The following TBCK variants were observed in gnomAD, a reference collection of about 807,000 sequenced individuals.
TBCK encodes the protein TBC domain-containing protein kinase-like protein.
A neutral mutation model predicts 113.4 loss-of-function variants in TBCK; 99 were observed. That is an observed-to-expected ratio of 0.87 (90% CI 0.74 to 1.03). TBCK has a LOEUF of 1.03. Among genes scored for constraint, TBCK ranks in the 50% least tolerant of loss-of-function variants. The pLI, the probability that TBCK is intolerant of heterozygous loss-of-function variation, is 0.00. For synonymous variants in TBCK, 369 were observed against 370.8 expected (o/e 1.00, Z 0.05); for missense variants, 1,045 against 1,061.3 (o/e 0.98, Z 0.21).
chr4:106,137,406 A>G (rs1160149890), intron 23 of TBCK, among the ~76,000 whole-genome samples: 1 of 140,120 alleles, frequency 7.1e-6, no homozygotes, highest in African/African-American at 2.5e-5. Flanking sequence ...CTCTAATTTC[A>G]TAGTGGTAGG....
At position 106,192,917 on chromosome 4, in the gene TBCK, T is replaced by C. The variant is rs72677349; in HGVS notation, c.2059+692A>G. On this transcript the variant is annotated intron_variant, in intron 22 of 25. Transcript: ENST00000394708. Reference sequence around the variant, plus strand: ...ATGCTGTCAATAAAGTACTGTGAAGTTTTTTCACCTAAAAAAACTGAAGTT... The same window carrying C: ...ATGCTGTCAATAAAGTACTGTGAAGCTTTTTCACCTAAAAAAACTGAAGTT... Among the ~76,000 whole-genome samples the C allele has an allele frequency of 6.6e-3, 1,003 of 152,132 alleles. 10 individuals are homozygous for C. The highest frequency in any genetic ancestry group is 0.011 in the Non-Finnish European group (725 of 67,972).
At chr4:106,168,283 A>T (rs1750619203) in intron 23 of TBCK, among the ~76,000 whole-genome samples, 2 of 151,930 alleles carry the variant, frequency 1.3e-5, no homozygotes, top group Admixed American at 1.3e-4. Context: ...ACATTCTACA[A>T]AATCCAACAT....
At chr4:106,259,897 C>T (rs939707923) in intron 5 of TBCK, among the ~76,000 whole-genome samples, 3 of 151,890 alleles carry the variant, frequency 2.0e-5, no homozygotes, top group African/African-American at 7.2e-5. Flanking sequence ...GGGCAACATA[C>T]ATCTGCAATT....
At chr4:106,308,715 C>G in intron 2 of TBCK, 53 bp downstream of exon 2, 1 of 1,500,386 alleles carries the variant, frequency 6.7e-7, no homozygotes, top group East Asian at 2.3e-5. Flanking sequence ...GTATTTATAA[C>G]TTAGGGTAAC....
chr4:106,063,747 T>C (rs1334208176), intron 25 of TBCK, among the ~76,000 whole-genome samples: 1 of 151,724 alleles, frequency 6.6e-6, no homozygotes, highest in Non-Finnish European at 1.5e-5. Flanking sequence ...CCTTCATGAA[T>C]AGAATTAGTA....
At chr4:106,057,287 A>G (rs1379401823) in intron 25 of TBCK, among the ~76,000 whole-genome samples, 1 of 151,792 alleles carries the variant, frequency 6.6e-6, no homozygotes, top group Non-Finnish European at 1.5e-5. Flanking sequence ...GTATTAGGGA[A>G]AATCTCTGTT....
At chr4:106,307,500 C>G (rs1346411962) in intron 2 of TBCK, among the ~76,000 whole-genome samples, 1 of 151,638 alleles carries the variant, frequency 6.6e-6, no homozygotes, top group Non-Finnish European at 1.5e-5. Flanking sequence ...GAGAAATAAA[C>G]CAGGGAACTT....
chr4:106,280,178 T>C (rs1478275158), intron 3 of TBCK, among the ~76,000 whole-genome samples: 2 of 152,182 alleles, frequency 1.3e-5, no homozygotes, highest in South Asian at 2.1e-4. Context: ...ATTTCTCTGA[T>C]GATAAATGAT....
intron 23 of TBCK, among the ~76,000 whole-genome samples, chr4:106,122,301 T>C (rs1744512179): frequency 6.6e-6 from 1 of 152,080 alleles, no homozygotes; most frequent in East Asian, 1.9e-4. Flanking sequence ...CCTCGACACA[T>C]ACACTCTCCC....
chr4:106,247,841 C>A (rs982904285), intron 9 of TBCK: 28 of 156,678 alleles, frequency 1.8e-4, no homozygotes, highest in Non-Finnish European at 2.0e-4. Flanking sequence ...CTAAGAAATC[C>A]TTTTTTATTG....
At chr4:106,081,702 A>G (rs575900708) in intron 25 of TBCK, among the ~76,000 whole-genome samples, 2 of 152,306 alleles carry the variant, frequency 1.3e-5, no homozygotes, top group African/African-American at 2.4e-5. Flanking sequence ...TTTGCAAACT[A>G]TGCCTCCAAC....
At chr4:106,173,046 C>A (rs1166235924) in intron 22 of TBCK, among the ~76,000 whole-genome samples, 1 of 152,118 alleles carries the variant, frequency 6.6e-6, no homozygotes, top group East Asian at 1.9e-4. Context: ...ATTAGGCATT[C>A]CTTAGTGATG....
intron 23 of TBCK, among the ~76,000 whole-genome samples, chr4:106,161,807 G>A (rs552258672): frequency 4.6e-5 from 7 of 151,964 alleles, no homozygotes; most frequent in African/African-American, 7.2e-5. Flanking sequence ...GCTAATAACC[G>A]GAAGCCATGG....
At chr4:106,301,711 G>A (rs1218600194) in intron 2 of TBCK, among the ~76,000 whole-genome samples, 1 of 152,180 alleles carries the variant, frequency 6.6e-6, no homozygotes, top group Non-Finnish European at 1.5e-5. Flanking sequence ...TGTAACAAGA[G>A]TATGTGACTC....
chr4:106,191,525 T>C (rs893802874), intron 22 of TBCK, among the ~76,000 whole-genome samples: 5 of 152,126 alleles, frequency 3.3e-5, no homozygotes, highest in Non-Finnish European at 5.9e-5. Flanking sequence ...GAAGAAGACA[T>C]AGATAAGCTA....
intron 23 of TBCK, among the ~76,000 whole-genome samples, chr4:106,155,524 A>C (rs1749021213): frequency 6.6e-6 from 1 of 151,862 alleles, no homozygotes; most frequent in African/African-American, 2.4e-5. Context: ...CTTAGATTTG[A>C]CCTTTTGAAG....
intron 12 of TBCK, 24 bp downstream of exon 12, chr4:106,242,446 G>T: frequency 6.4e-7 from 1 of 1,552,128 alleles, no homozygotes; most frequent in South Asian, 1.2e-5. Flanking sequence ...ACCTAAAGCA[G>T]AACTGTCAAA....
intron 25 of TBCK, among the ~76,000 whole-genome samples, chr4:106,076,151 G>A (rs1028381713): frequency 6.6e-6 from 1 of 152,340 alleles, no homozygotes; most frequent in South Asian, 2.1e-4. Flanking sequence ...GGCAGTGGCA[G>A]CTCAGGTGCT....
In TBCK at chr4:106,127,145, T is replaced by A. The variant is rs570473376; in HGVS notation, c.2236-10767A>T. On this transcript the variant is annotated intron_variant, in intron 23 of 25. Transcript: ENST00000394708. ...ATCGCTTGAACCCAGGAGGCGGATA[T>A]TGCAGTGAGCTGAGATCGTGCCACT... 1.2e-3 allele frequency among the ~76,000 whole-genome samples: 178 copies of A among 148,836 alleles called. 1 individual carries two copies. Among genetic ancestry groups the A allele is most frequent in the Non-Finnish European group, 2.0e-3 (132 of 67,660 alleles).
Sources: gnomAD v4.1 joint callset for allele counts (sites outside exome capture counted in the v4.1 genomes callset) on GRCh38, gnomAD v4.1.1 for gene constraint, MANE v1.5 for transcripts, NCBI Gene and HGNC (gene_info 2026-07-23, HGNC 2026-07-21) for gene names.